The following TARS2 variants were observed in gnomAD, a reference collection of about 807,000 sequenced individuals.
TARS2 encodes the protein threonine--tRNA ligase, mitochondrial.
Under a neutral mutation model 94.4 loss-of-function variants are expected in TARS2, and 61 were observed. That is an observed-to-expected ratio of 0.65 (90% CI 0.53 to 0.80). TARS2 has a LOEUF of 0.80. Ranked by LOEUF, TARS2 falls within the 30% of genes least tolerant of loss-of-function variation. The probability of loss-of-function intolerance (pLI) is 0.00; values close to 1 mark genes in which losing one functional copy is unlikely to be tolerated. For missense variants in TARS2, 704 were observed against 902.5 expected (o/e 0.78, Z 2.82); for synonymous variants, 359 against 353.4 (o/e 1.02, Z -0.18).
intron 9 of TARS2, 54 bp from the exon 10 acceptor site, chr1:150,497,476 A>C: frequency 1.9e-6 from 3 of 1,559,972 alleles, no homozygotes; most frequent in Non-Finnish European, 2.6e-6. Context: ...CTGACACCCT[A>C]CCTGCTTTCC....
At chr1:150,491,281 T>C (rs1463844717) in intron 4 of TARS2, 113 bp from the exon 5 acceptor site, 1 of 980,760 alleles carries the variant, frequency 1.0e-6, no homozygotes, top group African/African-American at 1.6e-5. Context: ...TCTTTGCCTA[T>C]AACTCTAGAT....
In TARS2 at chr1:150,499,011, T is replaced by TG; in HGVS notation, c.1517dup (p.Cys506TrpfsTer11). The stretch of plus-strand genomic sequence containing the variant: ...GCCATCTGGCTTCCTGGGGGACCCT[T>TG]GCCTTTGGGACCAGGCCGAACAGGT... On this transcript the variant is annotated frameshift_variant, in exon 12 of 18. Transcript: ENST00000369064. LOFTEE classifies it high-confidence loss of function. 6.2e-7 allele frequency: 1 copy of TG among 1,614,130 alleles called. No individual in the cohort carries two copies.
Position 150,507,142 on chromosome 1 carries a change from A to G in TARS2, c.*78A>G. On this transcript the variant is annotated 3_prime_UTR_variant, in exon 18 of 18. Transcript: ENST00000369064. ...CATGGGAGACCCCAACCCAGCTGAC[A>G]ATGTGGAGCCCCCAGAACTTCAGAA... 1 of 1,578,326 alleles carries G rather than the reference A, an allele frequency of 6.3e-7. No individual in the cohort carries two copies. The highest frequency in any genetic ancestry group is 8.6e-7 in the Non-Finnish European group (1 of 1,159,512).
rs1280605163 is a variant in TARS2, at chr1:150,496,904, T to G, written c.1016T>G (p.Ile339Ser). ...TRVYNALVAF[I>S]RAEYAHRGFS... ...GTGTATAATGCACTAGTGGCGTTTA[T>G]CAGGGTAAGGGGACCCAGGTCTAGA... Residue 339 changes from isoleucine (I) to serine (S), a missense_variant, in exon 9 of 18, where the codon ATC becomes AGC. Transcript: ENST00000369064. The G allele has an allele frequency of 1.2e-6, 2 of 1,613,950 alleles. No homozygotes were observed. Among genetic ancestry groups the G allele is most frequent in the Non-Finnish European group, 1.7e-6 (2 of 1,179,956 alleles).
At chr1:150,497,503 C>T (rs764518512) in intron 9 of TARS2, 27 bp from the exon 10 acceptor site, 4 of 1,608,418 alleles carry the variant, frequency 2.5e-6, no homozygotes, top group African/African-American at 1.3e-5. Context: ...TTACTCTGAC[C>T]TTCCATGTCT....
At chr1:150,495,874 C>A (rs1299418857) in intron 7 of TARS2, among the ~76,000 whole-genome samples, 1 of 152,062 alleles carries the variant, frequency 6.6e-6, no homozygotes, top group African/African-American at 2.4e-5. Flanking sequence ...CACCCACCAC[C>A]ACACCCAGTT....
Position 150,504,659 on chromosome 1 carries a change from CCTCATTCACCGAGCAGTG to C in TARS2, c.1750_1767del (p.Ile584_Leu589del). 1.3e-5 allele frequency: 21 copies of C among 1,614,032 alleles called. No individual in the cohort carries two copies. Among genetic ancestry groups the C allele is most frequent in the Non-Finnish European group, 1.5e-5 (18 of 1,179,940 alleles). On this transcript the variant is annotated inframe_deletion, in exon 15 of 18. Coordinates refer to ENST00000369064, the MANE Select transcript of TARS2 (RefSeq NM_025150.5). The stretch of plus-strand genomic sequence containing the variant: ...AGGCGGGTGCCCTGGAGCGTCCAGT[CCTCATTCACCGAGCAGTG>C]CTCGGTTCTGTGGAAAGACTGTTGG...
At chr1:150,500,313 T>C (rs745363079) in intron 13 of TARS2, among the ~76,000 whole-genome samples, 8 of 152,104 alleles carry the variant, frequency 5.3e-5, no homozygotes, top group Non-Finnish European at 1.0e-4. Flanking sequence ...AAATGAGGCC[T>C]GTGTGGTGGC....
intron 17 of TARS2, among the ~76,000 whole-genome samples, chr1:150,506,486 GCACACACACACA>G (rs10581752): frequency 3.2e-5 from 4 of 123,784 alleles, no homozygotes; most frequent in Admixed American, 8.1e-5. Context: ...ACACGCGCGC[GCACACACACACA>G]CACACACACA....
intron 2 of TARS2, 86 bp from the exon 3 acceptor site, chr1:150,488,878 C>T: frequency 6.5e-7 from 1 of 1,531,688 alleles, no homozygotes; most frequent in Non-Finnish European, 8.8e-7. Context: ...TTTAAACTCT[C>T]ATATAGGAAT....
At chr1:150,491,280 A>G (rs1196679384) in intron 4 of TARS2, 114 bp from the exon 5 acceptor site, 24 of 972,104 alleles carry the variant, frequency 2.5e-5, no homozygotes, top group Admixed American at 1.9e-5. Context: ...GTCTTTGCCT[A>G]TAACTCTAGA....
At position 150,488,948 on chromosome 1, in the gene TARS2, C is replaced by T; in HGVS notation, c.264-16C>T. On this transcript the variant is annotated splice_polypyrimidine_tract_variant and intron_variant, in intron 2 of 17. Coordinates refer to ENST00000369064, the MANE Select transcript of TARS2 (RefSeq NM_025150.5). ...AACCCTGTCTTTTTCTTCATCCCCACCTTCCACTGCTGAAGTTCAACACTG... is the reference window on the plus strand; with the variant it reads ...AACCCTGTCTTTTTCTTCATCCCCATCTTCCACTGCTGAAGTTCAACACTG... 2 of 1,609,400 alleles carry T rather than the reference C, an allele frequency of 1.2e-6. No homozygotes were observed. Among genetic ancestry groups the T allele is most frequent in the Non-Finnish European group, 1.7e-6 (2 of 1,177,354 alleles).
rs7549396 is a variant in TARS2 at position 150,492,127 on chromosome 1, A to G, written c.696-284A>G. The G allele has an allele frequency of 0.74, 239,364 of 325,550 alleles. 88,902 individuals are homozygous for G. The highest frequency in any genetic ancestry group is 0.78 in the African/African-American group (36,642 of 46,760). The allele number at this position is 325,550 out of a possible 1,614,324, so 20.2% of individuals were successfully genotyped here. A position where few individuals can be genotyped will look rare whatever the true frequency, so the allele number is the denominator to read the frequency against. On this transcript the variant is annotated intron_variant, in intron 6 of 17. Transcript: ENST00000369064. The stretch of plus-strand genomic sequence containing the variant: ...ACTACAGGCATGCACCACCATGCCT[A>G]GCTAATTTTTATATTTTTAGTAGAG...
At position 150,504,341 on chromosome 1, in the gene TARS2, G is replaced by A. The variant is rs375877023; in HGVS notation, c.1624G>A (p.Val542Met). 2.0e-5 allele frequency: 32 copies of A among 1,613,822 alleles called. No individual in the cohort carries two copies. Among genetic ancestry groups the A allele is most frequent in the Admixed American group, 1.8e-4 (11 of 59,968 alleles). Residue 542 changes from valine (V) to methionine (M), a missense_variant, in exon 14 of 18, where the codon GTG becomes ATG. Physicochemically the swap from Val to Met is conservative, Grantham distance 21. Around this residue, in one of 3 missense-constraint regions of TARS2, gnomAD observed 466 missense variants for 609.5 expected, o/e 0.76. Transcript: ENST00000369064. ...TCCCATCTGTTTCCTGTAGATTGAC[G>A]TGCACCTCCACGATGCCCTGGGCCG... ...DGAFYGPKID[V>M]HLHDALGRPH...
At position 150,497,961 on chromosome 1, in the gene TARS2, C is replaced by T. The variant is rs771315309; in HGVS notation, c.1238+214C>T. ...ACAAAAAATTAGCCGGGCACGGTGG[C>T]GGGCGCCTGTAGTCCCAGCTACTCA... On this transcript the variant is annotated intron_variant, in intron 10 of 17. Coordinates refer to ENST00000369064, the MANE Select transcript of TARS2 (RefSeq NM_025150.5). Among the ~76,000 whole-genome samples, 12 of 151,830 alleles carry T rather than the reference C, an allele frequency of 7.9e-5. No individual in the cohort carries two copies. The South Asian group carries it at 8.3e-4, about 11-fold the overall frequency.
At position 150,505,669 on chromosome 1, in the gene TARS2, C is replaced by T. The variant is rs887567979; in HGVS notation, c.1972C>T (p.Arg658Cys). 6.2e-6 allele frequency: 10 copies of T among 1,614,034 alleles called. No homozygotes were observed. Among genetic ancestry groups the T allele is most frequent in the African/African-American group, 4.0e-5 (3 of 74,924 alleles). ...DSGLTLSRRI[R>C]RAQLAHYNFQ... ...TGGACTGACCCTCAGCCGGAGAATC[C>T]GCCGGGCCCAGCTTGCCCACTACAA... is the stretch of plus-strand genomic sequence containing the variant. The change falls in exon 17 of 18, where the codon CGC (arginine) becomes TGC (cysteine). Residue 658 changes from arginine to cysteine, a missense_variant. Around this residue, in one of 3 missense-constraint regions of TARS2, gnomAD observed 466 missense variants for 609.5 expected, o/e 0.76. Transcript: ENST00000369064.
chr1:150,503,637 GTGTA>G (rs1256087377), intron 13 of TARS2, among the ~76,000 whole-genome samples: 13 of 112,412 alleles, frequency 1.2e-4, no homozygotes, highest in Admixed American at 5.2e-4. Flanking sequence ...ATATATGTGT[GTGTA>G]TATATGTGTG....
intron 15 of TARS2, 73 bp from the exon 16 acceptor site, chr1:150,504,833 C>T: frequency 6.2e-7 from 1 of 1,605,276 alleles, no homozygotes; most frequent in Non-Finnish European, 8.5e-7. Flanking sequence ...CTTCTCAAGT[C>T]TGCTCCATAC....
Position 150,496,925 on chromosome 1 carries a change from C to A in TARS2, c.1020+17C>A. On this transcript the variant is annotated intron_variant, in intron 9 of 17. Transcript: ENST00000369064. The stretch of plus-strand genomic sequence containing the variant: ...TTTATCAGGGTAAGGGGACCCAGGT[C>A]TAGAGGAAAGAAGACCAGGGAGGGG... 1.2e-6 allele frequency: 2 copies of A among 1,612,300 alleles called. No individual in the cohort carries two copies. Among genetic ancestry groups the A allele is most frequent in the South Asian group, 2.2e-5 (2 of 90,910 alleles).
Sources: gnomAD v4.1 joint callset for allele counts (sites outside exome capture counted in the v4.1 genomes callset) on GRCh38, gnomAD v4.1.1 for gene constraint, gnomAD v4.1.1 regional missense constraint, MANE v1.5 for transcripts, NCBI Gene and HGNC (gene_info 2026-07-23, HGNC 2026-07-21) for gene names.